Variants in NRXN3 observed in about 807,000 individuals in gnomAD.
NRXN3 encodes the protein neurexin 3.
NRXN3 carries 32 observed loss-of-function variants against 137.6 expected under a neutral mutation model. The observed-to-expected ratio is 0.23, with a 90% CI of 0.18 to 0.31. The LOEUF (loss-of-function observed/expected upper bound fraction) is 0.31, where lower values mean the gene tolerates loss of function less well. NRXN3 is among the 10% of genes least tolerant of loss of function. The pLI is 1.00. For missense variants in NRXN3, 1,574 were observed against 2,062.5 expected (o/e 0.76, Z 4.59); for synonymous variants, 798 against 784.5 (o/e 1.02, Z -0.29).
At chr14:78,557,412 G>A (rs545020516) in intron 4 of NRXN3, among the ~76,000 whole-genome samples, 1 of 152,202 alleles carries the variant, frequency 6.6e-6, no homozygotes, top group South Asian at 2.1e-4. Flanking sequence ...GGAAGGGGCA[G>A]TGTCATACAA....
intron 20 of NRXN3, among the ~76,000 whole-genome samples, chr14:79,826,853 A>C (rs1056261806): frequency 1.3e-5 from 2 of 152,174 alleles, no homozygotes; most frequent in Non-Finnish European, 2.9e-5. Flanking sequence ...TAAACTTCTT[A>C]AAGTCCTGCC....
intron 4 of NRXN3, among the ~76,000 whole-genome samples, chr14:78,572,247 A>G (rs565025579): frequency 6.6e-6 from 1 of 152,130 alleles, no homozygotes; most frequent in Non-Finnish European, 1.5e-5. Flanking sequence ...TTTCAGTTGC[A>G]AGTTCACTCT....
Position 78,855,986 on chromosome 14 carries a change from A to G in NRXN3, c.2275+45642A>G, listed in dbSNP as rs189291976. 1.6e-4 allele frequency among the ~76,000 whole-genome samples: 24 copies of G among 152,280 alleles called. No homozygotes were observed. In the East Asian group the frequency reaches 3.3e-3, roughly 21 times the overall value. ...TCTGACCTGGTCAAGCCACTTTACC[A>G]TCTTTCTGGGTCTTCTTTCCTCATT... is the stretch of plus-strand genomic sequence containing the variant. On this transcript the variant is annotated intron_variant, in intron 10 of 20. Transcript: ENST00000335750.
chr14:79,674,254 T>C (rs1407879125), intron 17 of NRXN3, among the ~76,000 whole-genome samples: 2 of 152,104 alleles, frequency 1.3e-5, no homozygotes, highest in Non-Finnish European at 2.9e-5. Flanking sequence ...TTCTTTCTTT[T>C]ACTTAAATTT....
intron 15 of NRXN3, among the ~76,000 whole-genome samples, chr14:79,245,441 G>T (rs1232282445): frequency 6.6e-6 from 1 of 151,816 alleles, no homozygotes; most frequent in Non-Finnish European, 1.5e-5. Flanking sequence ...GAAGACAGAG[G>T]AAAGGAAAAA....
intron 6 of NRXN3, among the ~76,000 whole-genome samples, chr14:78,704,835 G>A (rs1402572051): frequency 6.6e-6 from 1 of 152,088 alleles, no homozygotes; most frequent in South Asian, 2.1e-4. Context: ...CAAAGTACCT[G>A]GCACATGGTA....
chr14:78,598,245 A>G lies in NRXN3; in HGVS notation c.758-46875A>G, dbSNP rs1247506472. Among the ~76,000 whole-genome samples, 3 of 152,154 alleles carry G rather than the reference A, an allele frequency of 2.0e-5. No individual in the cohort carries two copies. In the East Asian group the frequency reaches 5.8e-4, roughly 29 times the overall value. On this transcript the variant is annotated intron_variant, in intron 4 of 20. Coordinates refer to ENST00000335750, the MANE Select transcript of NRXN3 (RefSeq NM_001330195.2). ...CCTCTAGTGGCTAGAATGCAGTAGC[A>G]TACCCAGCACCCCCTCAGACTTGGC...
intron 4 of NRXN3, among the ~76,000 whole-genome samples, chr14:78,388,512 A>G (rs1429061682): frequency 6.6e-6 from 1 of 152,192 alleles, no homozygotes; most frequent in Non-Finnish European, 1.5e-5. Context: ...ATTCATGTTC[A>G]TATGGAACAG....
intron 10 of NRXN3, among the ~76,000 whole-genome samples, chr14:78,867,681 T>G (rs1200080852): frequency 6.6e-6 from 1 of 152,162 alleles, no homozygotes; most frequent in Non-Finnish European, 1.5e-5. Context: ...TCCTTATCTC[T>G]GAAAACATAG....
chr14:79,673,344 T>C (rs1313842349), intron 17 of NRXN3, among the ~76,000 whole-genome samples: 1 of 152,146 alleles, frequency 6.6e-6, no homozygotes, highest in Non-Finnish European at 1.5e-5. Context: ...TGGCATAGTT[T>C]ACTAAGTGCC....
intron 15 of NRXN3, among the ~76,000 whole-genome samples, chr14:79,285,788 G>A (rs896448264): frequency 6.6e-5 from 10 of 152,128 alleles, no homozygotes; most frequent in African/African-American, 2.4e-4. Context: ...CAGGAATAAA[G>A]CTTTGACATA....
chr14:79,725,316 T>A (rs535195318), intron 19 of NRXN3, among the ~76,000 whole-genome samples: 79 of 152,304 alleles, frequency 5.2e-4, no homozygotes, highest in African/African-American at 1.9e-3. Context: ...TTGGAAGGCA[T>A]TCAATCTTTG....
At chr14:78,571,609 T>C (rs2096890081) in intron 4 of NRXN3, among the ~76,000 whole-genome samples, 1 of 152,206 alleles carries the variant, frequency 6.6e-6, no homozygotes, top group African/African-American at 2.4e-5. Context: ...CAGACATTCT[T>C]GGGTATTTAG....
rs118102353 is a variant in NRXN3 at position 78,495,687 on chromosome 14, A to T, written c.758-149433A>T. 1.7e-4 allele frequency among the ~76,000 whole-genome samples: 26 copies of T among 152,218 alleles called. No homozygotes were observed. In the East Asian group the frequency reaches 4.7e-3, roughly 27 times the overall value. On this transcript the variant is annotated intron_variant, in intron 4 of 20. Coordinates refer to ENST00000335750, the MANE Select transcript of NRXN3 (RefSeq NM_001330195.2). Reference sequence around the variant, plus strand: ...ATATGCCCTTGATAGGAAATCTGTCATTTGGAGGTCATTTTGGCCCTTTCT... The same window carrying T: ...ATATGCCCTTGATAGGAAATCTGTCTTTTGGAGGTCATTTTGGCCCTTTCT...
chr14:79,448,170 C>A (rs773481005), intron 15 of NRXN3, among the ~76,000 whole-genome samples: 28 of 152,184 alleles, frequency 1.8e-4, no homozygotes, highest in Non-Finnish European at 4.0e-4. Context: ...GCCAAGCACC[C>A]TTTAACTTCC....
At chr14:79,057,976 G>A (rs1003802659) in intron 15 of NRXN3, among the ~76,000 whole-genome samples, 3 of 152,144 alleles carry the variant, frequency 2.0e-5, no homozygotes, top group Non-Finnish European at 2.9e-5. Context: ...GGCATAAAAT[G>A]GAGAGATCAG....
intron 15 of NRXN3, among the ~76,000 whole-genome samples, chr14:79,343,380 A>G (rs571038354): frequency 6.6e-6 from 1 of 152,310 alleles, no homozygotes; most frequent in East Asian, 1.9e-4. Flanking sequence ...ATGAACAAGG[A>G]CAGCTTGGAG....
At chr14:79,137,770 AT>A (rs1313723451) in intron 15 of NRXN3, among the ~76,000 whole-genome samples, 1 of 151,984 alleles carries the variant, frequency 6.6e-6, no homozygotes, top group Non-Finnish European at 1.5e-5. Context: ...TTAAAATCAT[AT>A]TTTTTCTTTT....
chr14:78,194,254 C>T (rs2061024516), intron 1 of NRXN3, among the ~76,000 whole-genome samples: 1 of 152,210 alleles, frequency 6.6e-6, no homozygotes, highest in South Asian at 2.1e-4. Flanking sequence ...AGGACTGCAA[C>T]ATTTTTCTTT....
Sources: allele counts gnomAD v4.1 joint callset (sites outside exome capture counted in the v4.1 genomes callset), GRCh38; gene constraint gnomAD v4.1.1; transcripts MANE v1.5; gene names NCBI Gene and HGNC (gene_info 2026-07-23, HGNC 2026-07-21).